Variants in KDELR2 observed in about 807,000 individuals in gnomAD.
KDELR2 encodes KDEL endoplasmic reticulum protein retention receptor 2, also known as ER lumen protein-retaining receptor 2.
Under a neutral mutation model 23.9 loss-of-function variants are expected in KDELR2, and 15 were observed. The observed-to-expected ratio is 0.63, with a 90% confidence interval of 0.42 to 0.97. KDELR2 has a LOEUF of 0.97. KDELR2 is among the 50% of genes least tolerant of loss of function. The probability of loss-of-function intolerance (pLI) is 0.00; values close to 1 mark genes in which losing one functional copy is unlikely to be tolerated. For synonymous variants in KDELR2, 119 were observed against 106.2 expected, an observed-to-expected ratio of 1.12 and a Z score of -0.74; for missense variants, 272 against 254.6, an observed-to-expected ratio of 1.07 and a Z score of -0.46.
At chr7:6,472,449 G>A (rs1785668860) in intron 2 of KDELR2, among the ~76,000 whole-genome samples, 1 of 152,140 alleles carries the variant, frequency 6.6e-6, no homozygotes, top group African/African-American at 2.4e-5. Flanking sequence ...AAGCAAGCAT[G>A]GATTCCTCTG....
chr7:6,480,070 A>G (rs1245704016), intron 1 of KDELR2, among the ~76,000 whole-genome samples: 4 of 152,228 alleles, frequency 2.6e-5, no homozygotes, highest in Non-Finnish European at 1.5e-5. Context: ...TACAACCTAC[A>G]TAACAGCTAA....
chr7:6,464,584 C>T (rs1454664075), intron 4 of KDELR2, among the ~76,000 whole-genome samples: 2 of 151,714 alleles, frequency 1.3e-5, no homozygotes, highest in African/African-American at 4.8e-5. Context: ...CTCAGCTACT[C>T]GGGAGGCTGA....
At chr7:6,465,030 C>A (rs1404547611) in intron 4 of KDELR2, among the ~76,000 whole-genome samples, 1 of 151,656 alleles carries the variant, frequency 6.6e-6, no homozygotes, top group East Asian at 2.0e-4. Context: ...GCCATCGCAC[C>A]CGACCTATAT....
rs766430180 is a variant in KDELR2 at position 6,483,954 on chromosome 7, C to T, written c.91+13G>A. The T allele has an allele frequency of 6.6e-7, 1 of 1,505,180 alleles. No homozygotes were observed. Among genetic ancestry groups the T allele is most frequent in the South Asian group, 1.2e-5 (1 of 81,320 alleles). The allele number at this position is 1,505,180 out of a possible 1,614,324, so 93.2% of individuals were successfully genotyped here. A position where few individuals can be genotyped will look rare whatever the true frequency, so the allele number is the denominator to read the frequency against. On this transcript the variant is annotated intron_variant, in intron 1 of 4. Coordinates refer to ENST00000258739, the MANE Select transcript of KDELR2 (RefSeq NM_006854.4). ...CACGCCCGAGCCTCTCCGGGCCTTC[C>T]CCCGCCGCTCACCGGCGCAGGAGCG...
intron 4 of KDELR2, among the ~76,000 whole-genome samples, chr7:6,465,172 C>A (rs182586844): frequency 1.3e-5 from 2 of 150,372 alleles, no homozygotes; most frequent in East Asian, 3.9e-4. Context: ...GGTGCATTTG[C>A]GTAAATATCT....
rs1785422963 is a variant in KDELR2 at position 6,463,107 on chromosome 7, C to A, written c.*34G>T. ...GTGGTAAGAATTCTGTCCGAGCACC[C>A]TGAAGGACAGATGCTGGTGATGGTC... On this transcript the variant is annotated 3_prime_UTR_variant, in exon 5 of 5. Coordinates refer to ENST00000258739, the MANE Select transcript of KDELR2 (RefSeq NM_006854.4). 1 of 1,614,008 alleles carries A rather than the reference C, an allele frequency of 6.2e-7. No individual in the cohort carries two copies. The highest frequency in any genetic ancestry group is 8.5e-7 in the Non-Finnish European group (1 of 1,180,008).
rs1785500670 is a variant in KDELR2 at position 6,466,241 on chromosome 7, T to C, written c.434A>G (p.Glu145Gly). 6.2e-7 allele frequency: 1 copy of C among 1,614,024 alleles called. No homozygotes were observed. The highest frequency in any genetic ancestry group is 8.5e-7 in the Non-Finnish European group (1 of 1,180,012). Residue 145 changes from glutamate to glycine, a missense_variant, in exon 4 of 5, where the codon GAG becomes GGG. By Grantham distance (98) the Glu-to-Gly change is moderately conservative (BLOSUM62 -2). Transcript: ENST00000258739. ...GAACAGGTAGTGGGTGGTGATGGTC[T>C]CGGCCTCCCCAGTCTTGCTGATCAT... ...LFMISKTGEA[E>G]TITTHYLFFL...
intron 3 of KDELR2, among the ~76,000 whole-genome samples, chr7:6,466,881 G>A (rs12702511): frequency 0.36 from 54,823 of 151,824 alleles, 11,245 homozygotes; most frequent in Non-Finnish European, 0.47. Context: ...GTGATGGGGA[G>A]CAGCTATAAA....
intron 2 of KDELR2, among the ~76,000 whole-genome samples, chr7:6,471,368 G>C (rs1368531505): frequency 6.6e-6 from 1 of 151,718 alleles, no homozygotes; most frequent in African/African-American, 2.4e-5. Context: ...TTGTAGTAGA[G>C]ACGGGGTTTC....
intron 1 of KDELR2, among the ~76,000 whole-genome samples, chr7:6,478,844 A>G (rs1441449405): frequency 6.6e-6 from 1 of 151,974 alleles, no homozygotes; most frequent in African/African-American, 2.4e-5. Context: ...GCTGGAGTGC[A>G]GTGGTGCGAT....
chr7:6,473,773 A>C (rs1052433725), intron 2 of KDELR2, among the ~76,000 whole-genome samples: 34 of 152,218 alleles, frequency 2.2e-4, no homozygotes, highest in African/African-American at 7.5e-4. Flanking sequence ...GCGAAATGAG[A>C]CACTGCAACT....
At chr7:6,481,161 G>T (rs1316788656) in intron 1 of KDELR2, among the ~76,000 whole-genome samples, 1 of 152,120 alleles carries the variant, frequency 6.6e-6, no homozygotes, top group Non-Finnish European at 1.5e-5. Context: ...ATGAGGTCAG[G>T]AGACCGAGAC....
chr7:6,466,351 A>G, intron 3 of KDELR2, 28 bp from the exon 4 acceptor site: 1 of 1,608,544 alleles, frequency 6.2e-7, no homozygotes, highest in Non-Finnish European at 8.5e-7. Flanking sequence ...AGCTTCCATC[A>G]CGACCCACTG....
rs920753761 is a variant in KDELR2, at chr7:6,461,249, C to T, written c.*1892G>A. Reference sequence around the variant, plus strand: ...TTGCTAAGATGTCCTCCTGGGTGACCAAAACGGTGGTAACATAGCCAAGGT... The same window carrying T: ...TTGCTAAGATGTCCTCCTGGGTGACTAAAACGGTGGTAACATAGCCAAGGT... On this transcript the variant is annotated 3_prime_UTR_variant, in exon 5 of 5. Transcript: ENST00000258739. 33 of 152,126 alleles carry T rather than the reference C, an allele frequency of 2.2e-4. No individual in the cohort carries two copies. The highest frequency in any genetic ancestry group is 7.2e-4 in the African/African-American group (30 of 41,424). The allele number at this position is 152,126 out of a possible 1,614,324, so 9.4% of individuals were successfully genotyped here.
At position 6,466,336 on chromosome 7, in the gene KDELR2, T is replaced by C. The variant is rs769761398; in HGVS notation, c.352-13A>G. ...AGGTCCAGAGGATCTGGAAGAGAAA[T>C]GGCAAGCTTCCATCACGACCCACTG... On this transcript the variant is annotated splice_polypyrimidine_tract_variant and intron_variant, in intron 3 of 4. Transcript: ENST00000258739. 33 of 1,611,258 alleles carry C rather than the reference T, an allele frequency of 2.0e-5. No individual in the cohort carries two copies. The highest frequency in any genetic ancestry group is 1.7e-4 in the Admixed American group (10 of 59,902).
chr7:6,464,197 CAAAAAAAAAAAAAAAAAAAAAAAAAAA>C (rs758537707), intron 4 of KDELR2, among the ~76,000 whole-genome samples: 1 of 38,764 alleles, frequency 2.6e-5, no homozygotes, highest in Non-Finnish European at 4.0e-5. Flanking sequence ...AACTCTGTCT[CAAAAAAAAAAAAAAAAAAAAAAAAAAA>C]AAAAAAAAAA....
Position 6,461,960 on chromosome 7 carries a change from T to C in KDELR2, c.*1181A>G, listed in dbSNP as rs552095627. On this transcript the variant is annotated 3_prime_UTR_variant, in exon 5 of 5. Coordinates refer to ENST00000258739, the MANE Select transcript of KDELR2 (RefSeq NM_006854.4). ...AGCCCTACAGAGCTTTTGTTGCCAA[T>C]TGAAAAACAAAAAAATCCCAACACA... The C allele has an allele frequency of 2.6e-5, 4 of 152,160 alleles. No homozygotes were observed. The highest frequency in any genetic ancestry group is 4.4e-5 in the Non-Finnish European group (3 of 68,004). The allele number at this position is 152,160 out of a possible 1,614,324, so 9.4% of individuals were successfully genotyped here. A position where few individuals can be genotyped will look rare whatever the true frequency, so the allele number is the denominator to read the frequency against.
intron 1 of KDELR2, chr7:6,482,737 A>G: frequency 3.8e-6 from 1 of 259,900 alleles, no homozygotes; most frequent in South Asian, 3.6e-5. Flanking sequence ...GTTCAACAAA[A>G]ATTATTTTGC....
intron 1 of KDELR2, chr7:6,482,587 G>A: frequency 2.1e-6 from 1 of 470,630 alleles, no homozygotes; most frequent in Non-Finnish European, 4.4e-6. Flanking sequence ...AGACAGGCGA[G>A]GCCTGCAGAC....
Sources: gnomAD v4.1 joint callset for allele counts (sites outside exome capture counted in the v4.1 genomes callset) on GRCh38, gnomAD v4.1.1 for gene constraint, MANE v1.5 for transcripts, NCBI Gene and HGNC (gene_info 2026-07-23, HGNC 2026-07-21) for gene names.